Variants in VPS13C observed in about 807,000 individuals in gnomAD.
VPS13C encodes intermembrane lipid transfer protein VPS13C.
In VPS13C, 358 loss-of-function variants were observed where a neutral mutation model predicts 456.8. The observed-to-expected ratio is 0.78, with a 90% CI of 0.72 to 0.86. The LOEUF (loss-of-function observed/expected upper bound fraction) is 0.86. VPS13C is among the 40% of genes least tolerant of loss of function. VPS13C has a pLI of 0.00. For synonymous variants in VPS13C, 1,578 were observed against 1,486.7 expected, an observed-to-expected ratio of 1.06 and a Z score of -1.41; for missense variants, 4,818 against 4,385.4, an observed-to-expected ratio of 1.10 and a Z score of -2.79.
In VPS13C at chr15:61,996,998, C is replaced by CATACATATATAT. The variant is rs1555437505; in HGVS notation, c.1353+3565_1353+3566insATATATATGTAT. 8.7e-4 allele frequency among the ~76,000 whole-genome samples: 126 copies of CATACATATATAT among 145,568 alleles called. 2 individuals are homozygous for CATACATATATAT. Among genetic ancestry groups the CATACATATATAT allele is most frequent in the African/African-American group, 2.9e-3 (111 of 38,314 alleles). On this transcript the variant is annotated intron_variant, in intron 16 of 84. Transcript: ENST00000644861. ...CTTGCCTATATATTTTACATACATA[C>CATACATATATAT]ATATATATATATATGTATAGAATAT...
chr15:61,905,364 T>C (rs2043125688), intron 66 of VPS13C, among the ~76,000 whole-genome samples: 1 of 152,194 alleles, frequency 6.6e-6, no homozygotes, highest in African/African-American at 2.4e-5. Flanking sequence ...AATTTTCTGT[T>C]AGCTTGGCTG....
chr15:61,957,225 T>C (rs1406633215), intron 37 of VPS13C, among the ~76,000 whole-genome samples: 1 of 152,128 alleles, frequency 6.6e-6, no homozygotes, highest in Non-Finnish European at 1.5e-5. Flanking sequence ...TATGATTCCA[T>C]GTACACGAAA....
chr15:61,970,934 GA>G (rs1463372884), intron 27 of VPS13C, among the ~76,000 whole-genome samples: 1 of 148,326 alleles, frequency 6.7e-6, no homozygotes. Context: ...CAAGCACAAA[GA>G]ATGTGCTTTG....
intron 37 of VPS13C, among the ~76,000 whole-genome samples, chr15:61,955,588 C>T (rs2044964491): frequency 1.3e-5 from 2 of 152,156 alleles, no homozygotes; most frequent in African/African-American, 4.8e-5. Context: ...CTTACTCCAT[C>T]ACTGTTCCAA....
At chr15:61,909,184 G>A (rs2043229875) in intron 64 of VPS13C, 59 bp from the exon 65 acceptor site, 2 of 1,582,570 alleles carry the variant, frequency 1.3e-6, no homozygotes, top group Admixed American at 1.8e-5. Context: ...ACTTACATAT[G>A]GAATTTCAAT....
intron 1 of VPS13C, among the ~76,000 whole-genome samples, chr15:62,047,305 G>A (rs899723314): frequency 1.6e-4 from 24 of 152,022 alleles, no homozygotes; most frequent in African/African-American, 4.1e-4. Flanking sequence ...ATGGTGGCAT[G>A]AGCCTGTAAT....
In VPS13C at chr15:61,949,529, G is replaced by A; in HGVS notation, c.4673C>T (p.Ala1558Val). ...AGAAGAGGAAGGCTCAGAGAATGGA[G>A]CAGCAGATGATAAAAAATCCATGAA... ...LSFMDFLSSA[A>V]PFSEPSSSEK... Residue 1558 changes from alanine to valine, a missense_variant, in exon 42 of 85, where the codon GCT becomes GTT. Ala to Val is a moderately conservative substitution (Grantham distance 64, BLOSUM62 0). Around this residue, in one of 3 missense-constraint regions of VPS13C, gnomAD observed 4,552 missense variants for 4,130.6 expected, o/e 1.10. Transcript: ENST00000644861. 1 of 1,613,490 alleles carries A rather than the reference G, an allele frequency of 6.2e-7. No homozygotes were observed. Among genetic ancestry groups the A allele is most frequent in the East Asian group, 2.2e-5 (1 of 44,840 alleles).
In VPS13C at chr15:61,942,015, ACTGTGGCTGTACTCAAAG is replaced by A. The variant is rs777886929; in HGVS notation, c.5183_5200del (p.Ala1728_Thr1733del). The A allele has an allele frequency of 6.2e-7, 1 of 1,613,544 alleles. No homozygotes were observed. The highest frequency in any genetic ancestry group is 1.7e-5 in the Admixed American group (1 of 60,000). ...GGAAGCAGCTCTTTCTGCAGCCTGG[ACTGTGGCTGTACTCAAAG>A]CTTCTTTAGCAGTTTGGAAATTGTT... On this transcript the variant is annotated inframe_deletion, in exon 46 of 85. Coordinates refer to ENST00000644861, the MANE Select transcript of VPS13C (RefSeq NM_020821.3).
chr15:61,896,685 G>C (rs376478892), intron 66 of VPS13C, among the ~76,000 whole-genome samples: 1 of 151,984 alleles, frequency 6.6e-6, no homozygotes, highest in Non-Finnish European at 1.5e-5. Context: ...AGGGGTGCCC[G>C]CCATTGCCCA....
Position 61,931,401 on chromosome 15 carries a change from AAC to A in VPS13C, c.5869-144_5869-143del, listed in dbSNP as rs772952566. Reference sequence around the variant, plus strand: ...TATGAGTGCTAAAACATCTGAATGGAACAGAGAATAATATGCATGTTTGTGAG... The same window carrying A: ...TATGAGTGCTAAAACATCTGAATGGAAGAGAATAATATGCATGTTTGTGAG... On this transcript the variant is annotated intron_variant, in intron 49 of 84. Coordinates refer to ENST00000644861, the MANE Select transcript of VPS13C (RefSeq NM_020821.3). 4 of 778,736 alleles carry A rather than the reference AAC, an allele frequency of 5.1e-6. No homozygotes were observed. In the East Asian group the frequency reaches 1.1e-4, roughly 22 times the overall value. 48.2% of individuals were successfully genotyped at this position (778,736 alleles called of 1,614,324 possible).
intron 6 of VPS13C, among the ~76,000 whole-genome samples, chr15:62,027,883 T>C (rs969593397): frequency 1.3e-5 from 2 of 152,012 alleles, no homozygotes; most frequent in Non-Finnish European, 2.9e-5. Flanking sequence ...CCTCCAGAGC[T>C]ACAACAGAGG....
At chr15:61,930,849 A>G (rs553121829) in intron 50 of VPS13C, among the ~76,000 whole-genome samples, 70 of 152,318 alleles carry the variant, frequency 4.6e-4, no homozygotes, top group African/African-American at 1.4e-3. Context: ...ATTAAAACTC[A>G]TTTTCTCTTA....
chr15:61,911,326 C>T (rs2043295539), intron 63 of VPS13C, among the ~76,000 whole-genome samples: 1 of 152,186 alleles, frequency 6.6e-6, no homozygotes, highest in South Asian at 2.1e-4. Context: ...ATTTCAACTA[C>T]CAATGACTTT....
intron 17 of VPS13C, 43 bp from the exon 18 acceptor site, chr15:61,991,137 T>C (rs1445859763): frequency 7.0e-7 from 1 of 1,423,564 alleles, no homozygotes; most frequent in Non-Finnish European, 9.7e-7. Flanking sequence ...GCTTCCATTT[T>C]ACAAATATAA....
intron 9 of VPS13C, among the ~76,000 whole-genome samples, chr15:62,017,842 TG>T (rs2047314264): frequency 6.6e-6 from 1 of 152,184 alleles, no homozygotes; most frequent in Admixed American, 6.5e-5. Context: ...GGTAGCTTGA[TG>T]GGGATGGCAC....
intron 22 of VPS13C, among the ~76,000 whole-genome samples, chr15:61,980,674 T>C (rs1292072918): frequency 6.6e-6 from 1 of 152,134 alleles, no homozygotes; most frequent in Non-Finnish European, 1.5e-5. Context: ...CCTATTTTTC[T>C]TCAGTTAGTA....
intron 27 of VPS13C, among the ~76,000 whole-genome samples, chr15:61,972,422 T>A (rs1478639656): frequency 6.6e-6 from 1 of 152,146 alleles, no homozygotes; most frequent in Non-Finnish European, 1.5e-5. Context: ...TCAGTTTTTT[T>A]AAAAGCATTT....
At chr15:61,856,248 TG>T in intron 83 of VPS13C, 37 bp downstream of exon 83, 1 of 1,607,530 alleles carries the variant, frequency 6.2e-7, no homozygotes, top group Non-Finnish European at 8.5e-7. Flanking sequence ...CTAAAAGCAA[TG>T]AACTCTTAGC....
In VPS13C at chr15:62,008,755, T is replaced by G. The variant is rs368232377; in HGVS notation, c.1018A>C (p.Ser340Arg). The part of the protein sequence containing the change: ...AIELTKPQYL[S>R]MIDLLESVDY... The stretch of plus-strand genomic sequence containing the variant: ...ACTGACTCCAAAAGGTCAATCATAC[T>G]TAAGTACTGTTAAAACAAAAATAAA... Residue 340 changes from serine to arginine, a missense_variant, in exon 14 of 85, where the codon AGT becomes CGT. Transcript: ENST00000644861. 25 of 1,561,624 alleles carry G rather than the reference T, an allele frequency of 1.6e-5. No homozygotes were observed. Among genetic ancestry groups the G allele is most frequent in the Non-Finnish European group, 2.1e-5 (24 of 1,150,358 alleles).
Sources: gnomAD v4.1 joint callset for allele counts (sites outside exome capture counted in the v4.1 genomes callset) on GRCh38, gnomAD v4.1.1 for gene constraint, gnomAD v4.1.1 regional missense constraint, MANE v1.5 for transcripts, NCBI Gene and HGNC (gene_info 2026-07-23, HGNC 2026-07-21) for gene names.